Variants in FNDC3A observed in about 807,000 individuals in gnomAD.
The protein encoded by FNDC3A is fibronectin type-III domain-containing protein 3A.
Under a neutral mutation model 148.9 loss-of-function variants are expected in FNDC3A, and 32 were observed. The ratio of observed to expected loss-of-function variants is 0.21; its 90% confidence interval spans 0.16 to 0.29. The LOEUF is 0.29. FNDC3A is among the 10% of genes least tolerant of loss of function. The pLI, the probability that FNDC3A is intolerant of heterozygous loss-of-function variation, is 1.00. For missense variants in FNDC3A, 1,191 were observed against 1,452.8 expected, an observed-to-expected ratio of 0.82 and a Z score of 2.93; for synonymous variants, 472 against 473.6, an observed-to-expected ratio of 1.00 and a Z score of 0.04.
rs183377894 is a variant in FNDC3A, at chr13:49,042,132, C to A, written c.100-33157C>A. 1.1e-3 allele frequency among the ~76,000 whole-genome samples: 160 copies of A among 152,100 alleles called. 2 individuals are homozygous for A. The highest frequency in any genetic ancestry group is 1.2e-3 in the Non-Finnish European group (83 of 67,988). ...CCTTATGAAGATCTTGGGAGAAGAG[C>A]CATAATTTTAATATTCCCCTAAATA... On this transcript the variant is annotated intron_variant, in intron 2 of 25. Coordinates refer to ENST00000492622, the MANE Select transcript of FNDC3A (RefSeq NM_001079673.2).
intron 8 of FNDC3A, among the ~76,000 whole-genome samples, chr13:49,165,223 G>A (rs1383066442): frequency 1.3e-5 from 2 of 152,116 alleles, no homozygotes; most frequent in African/African-American, 4.8e-5. Flanking sequence ...CTTTGGAGGT[G>A]TCATATTGCC....
chr13:49,170,706 T>C (rs1884710135), intron 10 of FNDC3A, among the ~76,000 whole-genome samples: 1 of 152,164 alleles, frequency 6.6e-6, no homozygotes, highest in Admixed American at 6.5e-5. Flanking sequence ...ATTTTCTCTT[T>C]TGTAAAGTTC....
chr13:49,193,257 TAGACAGATAGACAGACTTTTTTTTTG>T (rs1885978639), intron 19 of FNDC3A, among the ~76,000 whole-genome samples: 3 of 152,126 alleles, frequency 2.0e-5, no homozygotes, highest in Non-Finnish European at 4.4e-5. Context: ...TGTGTGTGTA[TAGACAGATAGACAGACTTTTTTTTTG>T]AGACAGGGTA....
At chr13:49,103,773 C>T (rs1202974406) in intron 3 of FNDC3A, among the ~76,000 whole-genome samples, 1 of 152,074 alleles carries the variant, frequency 6.6e-6, no homozygotes, top group Non-Finnish European at 1.5e-5. Flanking sequence ...ACATTTCTGG[C>T]TTAAGATTAA....
chr13:48,984,890 G>A (rs373102987), intron 1 of FNDC3A, among the ~76,000 whole-genome samples: 3 of 152,008 alleles, frequency 2.0e-5, no homozygotes, highest in East Asian at 3.9e-4. Context: ...TCACCATGTT[G>A]TCCAGATGGT....
chr13:49,191,448 A>T (rs1288930768), intron 19 of FNDC3A, 64 bp downstream of exon 19: 1 of 1,329,768 alleles, frequency 7.5e-7, no homozygotes, highest in African/African-American at 1.5e-5. Context: ...TTTAACATAT[A>T]TCATCATATC....
At chr13:49,131,465 C>T (rs1882032157) in intron 5 of FNDC3A, 91 bp downstream of exon 5, 2 of 957,884 alleles carry the variant, frequency 2.1e-6, no homozygotes. Context: ...ATTAAAAAAA[C>T]AGCAAATGGT....
At chr13:49,188,175 C>T (rs1233449359) in intron 16 of FNDC3A, among the ~76,000 whole-genome samples, 2 of 152,168 alleles carry the variant, frequency 1.3e-5, no homozygotes, top group East Asian at 3.8e-4. Context: ...ACTAGACTTC[C>T]TCTGATACTG....
At chr13:49,053,614 A>G (rs1159871078) in intron 2 of FNDC3A, among the ~76,000 whole-genome samples, 2 of 152,300 alleles carry the variant, frequency 1.3e-5, no homozygotes, top group African/African-American at 2.4e-5. Flanking sequence ...GGTGGATTCA[A>G]CTATTTTCTT....
intron 12 of FNDC3A, 33 bp from the exon 13 acceptor site, chr13:49,175,334 T>C: frequency 4.7e-6 from 7 of 1,484,922 alleles, no homozygotes; most frequent in Non-Finnish European, 5.4e-6. Flanking sequence ...AAAATAACTT[T>C]TTCATGCCTT....
intron 3 of FNDC3A, among the ~76,000 whole-genome samples, chr13:49,104,528 G>A (rs1025867111): frequency 3.7e-4 from 56 of 151,660 alleles, no homozygotes; most frequent in African/African-American, 1.3e-3. Flanking sequence ...GTGAGACTAC[G>A]TCTCAAAAAG....
intron 4 of FNDC3A, among the ~76,000 whole-genome samples, chr13:49,125,825 C>T (rs1881658922): frequency 6.6e-6 from 1 of 151,956 alleles, no homozygotes; most frequent in Non-Finnish European, 1.5e-5. Context: ...TTCTCTGCAG[C>T]CCTTCTCAAT....
chr13:49,147,987 GTATT>G (rs918710827), intron 8 of FNDC3A, among the ~76,000 whole-genome samples: 29 of 152,114 alleles, frequency 1.9e-4, no homozygotes, highest in African/African-American at 6.3e-4. Context: ...ATGATGTAGA[GTATT>G]TTTTCATATA....
chr13:49,041,204 A>G (rs1277413837), intron 2 of FNDC3A, among the ~76,000 whole-genome samples: 2 of 152,188 alleles, frequency 1.3e-5, no homozygotes, highest in Non-Finnish European at 2.9e-5. Context: ...GAAAGTACAT[A>G]CTACACATAC....
At chr13:49,103,886 A>T (rs1161922428) in intron 3 of FNDC3A, among the ~76,000 whole-genome samples, 1 of 152,218 alleles carries the variant, frequency 6.6e-6, no homozygotes, top group East Asian at 1.9e-4. Context: ...CTCAAGAAAA[A>T]GTCTGGATGA....
intron 3 of FNDC3A, among the ~76,000 whole-genome samples, chr13:49,112,324 T>C: frequency 6.6e-6 from 1 of 152,230 alleles, no homozygotes. Context: ...TGTAGTTTTA[T>C]ATAAATTAGC....
At chr13:49,168,468 G>A (rs373017748) in intron 9 of FNDC3A, 145 bp from the exon 10 acceptor site, 49 of 482,618 alleles carry the variant, frequency 1.0e-4, no homozygotes, top group Admixed American at 9.1e-4. Flanking sequence ...TTTTTTTAAC[G>A]GTCACCTTTT....
At chr13:49,040,355 C>T (rs536863008) in intron 2 of FNDC3A, among the ~76,000 whole-genome samples, 7 of 152,306 alleles carry the variant, frequency 4.6e-5, no homozygotes, top group African/African-American at 9.6e-5. Flanking sequence ...CACCCATTAT[C>T]GGCACTAATA....
At chr13:48,989,285 T>G (rs1377956907) in intron 1 of FNDC3A, among the ~76,000 whole-genome samples, 3 of 152,142 alleles carry the variant, frequency 2.0e-5, no homozygotes, top group African/African-American at 7.2e-5. Context: ...GCCAACAAGA[T>G]AAAGTTAACA....
Sources: gnomAD v4.1 joint callset for allele counts (sites outside exome capture counted in the v4.1 genomes callset) on GRCh38, gnomAD v4.1.1 for gene constraint, MANE v1.5 for transcripts, NCBI Gene and HGNC (gene_info 2026-07-23, HGNC 2026-07-21) for gene names.